Variants in MAD1L1 observed in about 807,000 individuals in gnomAD.
MAD1L1 encodes mitotic spindle assembly checkpoint protein MAD1.
In MAD1L1, 95 loss-of-function variants were observed where a neutral mutation model predicts 96.9. The observed-to-expected ratio is 0.98, with a 90% CI of 0.83 to 1.16. The LOEUF (loss-of-function observed/expected upper bound fraction) is 1.16. Among genes scored for constraint, MAD1L1 ranks in the 50% most tolerant of loss-of-function variants. The pLI is 0.00. For missense variants in MAD1L1, 1,007 were observed against 954.4 expected, an observed-to-expected ratio of 1.06 and a Z score of -0.73; for synonymous variants, 473 against 396.6, an observed-to-expected ratio of 1.19 and a Z score of -2.29.
intron 17 of MAD1L1, among the ~76,000 whole-genome samples, chr7:1,905,518 C>T (rs1266166278): frequency 2.7e-5 from 4 of 150,354 alleles, no homozygotes; most frequent in Non-Finnish European, 3.0e-5. Context: ...TTCCAGGCAG[C>T]GAGGACACAG....
intron 17 of MAD1L1, among the ~76,000 whole-genome samples, chr7:1,899,297 GCA>G (rs895480252): frequency 1.3e-5 from 2 of 152,206 alleles, no homozygotes; most frequent in Non-Finnish European, 2.9e-5. Context: ...CCACTTAGAC[GCA>G]CACAGAGCCG....
At position 2,088,424 on chromosome 7, in the gene MAD1L1, G is replaced by A. The variant is rs993331532; in HGVS notation, c.1074-19086C>T. On this transcript the variant is annotated intron_variant, in intron 11 of 18. Transcript: ENST00000265854. This position sits in a 1 kb window ranked among gnomAD's most constrained non-coding sequence, Gnocchi z 4.4. ...CCCACCACAGCCCCCGCCCCGCTCC[G>A]TCCCACCATGGCAGTCTGAGCTCCA... is the stretch of plus-strand genomic sequence containing the variant. Among the ~76,000 whole-genome samples, 7 of 152,034 alleles carry A rather than the reference G, an allele frequency of 4.6e-5. No individual in the cohort carries two copies. The highest frequency in any genetic ancestry group is 3.9e-4 in the East Asian group (2 of 5,170).
At chr7:1,976,607 A>T (rs1209551408) in intron 15 of MAD1L1, among the ~76,000 whole-genome samples, 1 of 152,122 alleles carries the variant, frequency 6.6e-6, no homozygotes, top group Admixed American at 6.5e-5. Flanking sequence ...GTGGAAGGGG[A>T]CCCCAGCGGG....
chr7:1,843,899 C>G (rs1783428495), intron 18 of MAD1L1, among the ~76,000 whole-genome samples: 1 of 152,244 alleles, frequency 6.6e-6, no homozygotes, highest in Non-Finnish European at 1.5e-5. Context: ...CTCTGAATCT[C>G]TTCCACTTCA....
In MAD1L1 at chr7:2,222,757, G is replaced by C; in HGVS notation, c.292-3C>G. On this transcript the variant is annotated splice_polypyrimidine_tract_variant and splice_region_variant and intron_variant, in intron 4 of 18. Transcript: ENST00000265854. Reference sequence around the variant, plus strand: ...TCCTGGTTGCGGTCGACCTCACGCTGTTAAGAGAGCAAGAGTCAGATGCCA... The same window carrying C: ...TCCTGGTTGCGGTCGACCTCACGCTCTTAAGAGAGCAAGAGTCAGATGCCA... 6.3e-7 allele frequency: 1 copy of C among 1,588,470 alleles called. No individual in the cohort carries two copies. The highest frequency in any genetic ancestry group is 8.5e-7 in the Non-Finnish European group (1 of 1,171,860).
Position 2,058,523 on chromosome 7 carries a change from G to A in MAD1L1, c.1218+10671C>T, listed in dbSNP as rs1297499712. On this transcript the variant is annotated intron_variant, in intron 12 of 18. Transcript: ENST00000265854. ...GGGAGTGTGGCCAGAGGAGAGGAGA[G>A]GCGCAGGGCTGGAGAGGGAGTGTGG... 1.6e-4 allele frequency among the ~76,000 whole-genome samples: 13 copies of A among 83,146 alleles called. 1 individual carries two copies. The highest frequency in any genetic ancestry group is 2.6e-5 in the Non-Finnish European group (1 of 38,034). 54.5% of individuals were successfully genotyped at this position (83,146 alleles called of 152,430 possible).
intron 18 of MAD1L1, among the ~76,000 whole-genome samples, chr7:1,879,458 A>T (rs75639024): frequency 2.1e-4 from 3 of 14,550 alleles, no homozygotes; most frequent in Non-Finnish European, 3.6e-4. Flanking sequence ...TTCATCTCCA[A>T]AAAAAAAAAA....
chr7:1,898,047 G>A lies in MAD1L1; in HGVS notation c.1998+153C>T, dbSNP rs760465561. ...AGGCTGAGAAGCCTCAGGGGGTGAC[G>A]AGGACGGGCCAGTGCACCTCCTTCC... On this transcript the variant is annotated intron_variant, in intron 18 of 18. Coordinates refer to ENST00000265854, the MANE Select transcript of MAD1L1 (RefSeq NM_001013836.2). 87 of 787,654 alleles carry A rather than the reference G, an allele frequency of 1.1e-4. 1 individual carries two copies. The highest frequency in any genetic ancestry group is 1.1e-3 in the Middle Eastern group (3 of 2,760). The allele number at this position is 787,654 out of a possible 1,614,324, so 48.8% of individuals were successfully genotyped here.
intron 14 of MAD1L1, among the ~76,000 whole-genome samples, chr7:1,996,264 G>A (rs1241950914): frequency 4.3e-5 from 5 of 116,702 alleles, no homozygotes; most frequent in East Asian, 2.8e-4. Flanking sequence ...TCCTGGGCGG[G>A]CAGGGTCCCC....
intron 10 of MAD1L1, among the ~76,000 whole-genome samples, chr7:2,160,539 T>C (rs1584455047): frequency 1.1e-5 from 1 of 93,512 alleles, no homozygotes; most frequent in Non-Finnish European, 2.4e-5. Context: ...TTCACTGTGT[T>C]AGCCAGGATG....
At chr7:1,952,782 C>T (rs113514437) in intron 16 of MAD1L1, among the ~76,000 whole-genome samples, 2,329 of 152,344 alleles carry the variant, frequency 0.015, 29 homozygotes, top group Non-Finnish European at 0.027. Flanking sequence ...TCGTCCCGGT[C>T]CAGAGGCCAC....
At chr7:2,164,593 TGGG>T (rs11335779) in intron 10 of MAD1L1, among the ~76,000 whole-genome samples, 964 of 79,524 alleles carry the variant, frequency 0.012, 26 homozygotes, top group South Asian at 0.054. Flanking sequence ...GCAGGAAAAA[TGGG>T]GGGGGGGGGG....
chr7:1,910,226 A>T (rs1438636540), intron 17 of MAD1L1, among the ~76,000 whole-genome samples: 2 of 152,034 alleles, frequency 1.3e-5, no homozygotes, highest in African/African-American at 4.8e-5. Flanking sequence ...GTCCTTCGGC[A>T]GCAGAGGCCC....
intron 15 of MAD1L1, among the ~76,000 whole-genome samples, chr7:1,971,032 G>GA (rs1562571858): frequency 2.0e-5 from 3 of 152,178 alleles, no homozygotes; most frequent in Non-Finnish European, 2.9e-5. Flanking sequence ...GAATTCAGTA[G>GA]TGTGGAGATG....
At chr7:1,885,847 C>T (rs1410230399) in intron 18 of MAD1L1, among the ~76,000 whole-genome samples, 1 of 152,246 alleles carries the variant, frequency 6.6e-6, no homozygotes, top group Non-Finnish European at 1.5e-5. Context: ...GCCCACTCCT[C>T]AGGAAAGGAA....
intron 10 of MAD1L1, among the ~76,000 whole-genome samples, chr7:2,197,612 G>A (rs957693300): frequency 6.6e-5 from 10 of 152,160 alleles, no homozygotes; most frequent in African/African-American, 2.4e-4. Flanking sequence ...CTCTGACCCG[G>A]TGAGGCACTG....
At chr7:2,184,871 G>A (rs781666126) in intron 10 of MAD1L1, among the ~76,000 whole-genome samples, 5 of 151,658 alleles carry the variant, frequency 3.3e-5, no homozygotes, top group South Asian at 2.1e-4. Context: ...GCGTGATAGC[G>A]CACGCCTGTA....
At chr7:1,843,551 G>A (rs886247872) in intron 18 of MAD1L1, among the ~76,000 whole-genome samples, 4 of 152,186 alleles carry the variant, frequency 2.6e-5, no homozygotes, top group South Asian at 2.1e-4. Flanking sequence ...GGTTAGTCAC[G>A]GTTTAGTGTT....
At chr7:2,000,657 G>A (rs1187104133) in intron 14 of MAD1L1, among the ~76,000 whole-genome samples, 1 of 152,148 alleles carries the variant, frequency 6.6e-6, no homozygotes, top group African/African-American at 2.4e-5. Flanking sequence ...CTCTCCTATG[G>A]GCCACTGACT....
Sources: gnomAD v4.1 joint callset for allele counts (sites outside exome capture counted in the v4.1 genomes callset) on GRCh38, gnomAD v4.1.1 for gene constraint, Gnocchi (gnomAD v3.1) non-coding constraint, MANE v1.5 for transcripts, NCBI Gene and HGNC (gene_info 2026-07-23, HGNC 2026-07-21) for gene names.